The following MARCHF1 variants were observed in gnomAD, a reference collection of about 807,000 sequenced individuals.
MARCHF1 encodes the protein membrane associated ring-CH-type finger 1.
Under a neutral mutation model 54.2 loss-of-function variants are expected in MARCHF1, and 40 were observed. That is an observed-to-expected ratio of 0.74 (90% CI 0.57 to 0.96). The LOEUF is 0.96. MARCHF1 is among the 40% of genes least tolerant of loss of function. The pLI is 0.00. For missense variants in MARCHF1, 586 were observed against 656.5 expected, an observed-to-expected ratio of 0.89 and a Z score of 1.17; for synonymous variants, 236 against 236.3, an observed-to-expected ratio of 1.00 and a Z score of 0.01.
Position 163,612,524 on chromosome 4 carries a change from C to T in MARCHF1, c.757G>A (p.Glu253Lys). The stretch of plus-strand genomic sequence containing the variant: ...TGATTCCTTGAGGATCTCTTAATTT[C>T]AGAGGACCCTTGAGTCAGAGAAGGG... The part of the protein sequence containing the change: ...CNPSLTQGSS[E>K]IKRSSRNHEK... Residue 253 changes from glutamate to lysine, a missense_variant, in exon 7 of 10, where the codon GAA becomes AAA. Coordinates refer to ENST00000514618, the MANE Select transcript of MARCHF1 (RefSeq NM_001394959.1). 6.5e-7 allele frequency: 1 copy of T among 1,535,262 alleles called. No individual in the cohort carries two copies. The highest frequency in any genetic ancestry group is 1.4e-5 in the African/African-American group (1 of 73,046).
intron 5 of MARCHF1, among the ~76,000 whole-genome samples, chr4:163,625,987 T>G (rs1741857681): frequency 6.6e-6 from 1 of 152,174 alleles, no homozygotes; most frequent in Admixed American, 6.5e-5. Context: ...CATCCCTTTA[T>G]TAGGTGTAAG....
At chr4:163,737,226 T>TA (rs1477708903) in intron 4 of MARCHF1, among the ~76,000 whole-genome samples, 1 of 70,040 alleles carries the variant, frequency 1.4e-5, no homozygotes, top group Non-Finnish European at 4.9e-5. Flanking sequence ...TTTTTTTTTT[T>TA]TTATTATACT....
intron 2 of MARCHF1, among the ~76,000 whole-genome samples, chr4:163,991,870 C>T (rs1213558387): frequency 6.6e-6 from 1 of 151,980 alleles, no homozygotes; most frequent in Non-Finnish European, 1.5e-5. Context: ...TTCCTCATTC[C>T]CACCTCTGGC....
intron 1 of MARCHF1, among the ~76,000 whole-genome samples, chr4:164,132,950 A>G (rs1441250853): frequency 6.6e-6 from 1 of 152,162 alleles, no homozygotes; most frequent in East Asian, 1.9e-4. Flanking sequence ...CAGCAAGAAC[A>G]TCTTCAAGCT....
intron 8 of MARCHF1, among the ~76,000 whole-genome samples, chr4:163,572,147 A>G (rs1189765843): frequency 6.6e-6 from 1 of 152,022 alleles, no homozygotes; most frequent in African/African-American, 2.4e-5. Context: ...GGGTAATGAG[A>G]AAGATTCAGA....
chr4:163,600,128 G>A lies in MARCHF1; in HGVS notation c.1010+12143C>T, dbSNP rs1202110924. On this transcript the variant is annotated intron_variant, in intron 7 of 9. Coordinates refer to ENST00000514618, the MANE Select transcript of MARCHF1 (RefSeq NM_001394959.1). Reference sequence around the variant, plus strand: ...CTCCTGTTCCATATATATTTTTGCTGTATTTATACGCACACACATATATCT... The same window carrying A: ...CTCCTGTTCCATATATATTTTTGCTATATTTATACGCACACACATATATCT... Among the ~76,000 whole-genome samples, 3 of 151,878 alleles carry A rather than the reference G, an allele frequency of 2.0e-5. No individual in the cohort carries two copies. The South Asian group carries it at 6.2e-4, about 32-fold the overall frequency.
intron 3 of MARCHF1, among the ~76,000 whole-genome samples, chr4:163,867,365 G>C (rs78140122): frequency 0.01 from 1,559 of 151,968 alleles, 11 homozygotes; most frequent in Middle Eastern, 0.017. Context: ...TGGTGATAAT[G>C]ACAATAAATA....
chr4:163,879,621 A>T (rs1251758752), intron 3 of MARCHF1, among the ~76,000 whole-genome samples: 1 of 152,194 alleles, frequency 6.6e-6, no homozygotes, highest in Non-Finnish European at 1.5e-5. Context: ...CACTAATGCA[A>T]ATATCTGAAA....
chr4:163,817,417 A>G (rs559930663), intron 4 of MARCHF1, among the ~76,000 whole-genome samples: 4 of 150,324 alleles, frequency 2.7e-5, no homozygotes, highest in East Asian at 2.0e-4. Flanking sequence ...ATATATATGT[A>G]TATATAGACA....
intron 2 of MARCHF1, among the ~76,000 whole-genome samples, chr4:164,041,173 T>A (rs1030117328): frequency 3.3e-5 from 5 of 152,134 alleles, no homozygotes; most frequent in Non-Finnish European, 7.4e-5. Flanking sequence ...ATTTGTCACT[T>A]AAGCAGACCG....
chr4:164,194,458 G>A (rs951924521), intron 1 of MARCHF1, among the ~76,000 whole-genome samples: 3 of 152,048 alleles, frequency 2.0e-5, no homozygotes, highest in Non-Finnish European at 2.9e-5. Context: ...TCCTACCATC[G>A]TAATATAAAA....
chr4:163,554,176 A>C (rs1453565803), intron 8 of MARCHF1, among the ~76,000 whole-genome samples: 1 of 152,206 alleles, frequency 6.6e-6, no homozygotes, highest in Admixed American at 6.5e-5. Context: ...ATCATTTTTA[A>C]GGCTTTAGAA....
At chr4:163,603,455 C>T (rs533516016) in intron 7 of MARCHF1, among the ~76,000 whole-genome samples, 1 of 152,158 alleles carries the variant, frequency 6.6e-6, no homozygotes, top group South Asian at 2.1e-4. Flanking sequence ...AGTTACCAAC[C>T]TCGACAGGGC....
rs559415816 is a variant in MARCHF1, at chr4:163,863,200, C to T, written c.-38-9031G>A. ...AGTTCAGGGATCCCAGGATGGAAAG[C>T]AGGCTGTGAAAAATACAATCTACAT... On this transcript the variant is annotated intron_variant, in intron 3 of 9. Coordinates refer to ENST00000514618, the MANE Select transcript of MARCHF1 (RefSeq NM_001394959.1). Among the ~76,000 whole-genome samples, 81 of 152,096 alleles carry T rather than the reference C, an allele frequency of 5.3e-4. 1 individual carries two copies. Among genetic ancestry groups the T allele is most frequent in the African/African-American group, 2.0e-3 (81 of 41,522 alleles).
intron 1 of MARCHF1, among the ~76,000 whole-genome samples, chr4:164,370,213 T>G (rs770394473): frequency 6.6e-6 from 1 of 152,082 alleles, no homozygotes; most frequent in South Asian, 2.1e-4. Context: ...AAGAAAGATA[T>G]CACATCCAAA....
At chr4:163,894,710 G>GCA (rs1750750049) in intron 3 of MARCHF1, among the ~76,000 whole-genome samples, 2 of 30,524 alleles carry the variant, frequency 6.6e-5, no homozygotes, top group African/African-American at 2.5e-4. Flanking sequence ...TGCATGTGAT[G>GCA]CATATATATA....
intron 3 of MARCHF1, among the ~76,000 whole-genome samples, chr4:163,917,256 T>C (rs1751329770): frequency 6.6e-6 from 1 of 152,216 alleles, no homozygotes; most frequent in African/African-American, 2.4e-5. Flanking sequence ...CTTCAACTCC[T>C]GTGGGCAAGA....
At chr4:164,173,787 A>T (rs924531884) in intron 1 of MARCHF1, among the ~76,000 whole-genome samples, 1 of 152,148 alleles carries the variant, frequency 6.6e-6, no homozygotes, top group African/African-American at 2.4e-5. Context: ...TGCCAGAGCC[A>T]CACTTTCTGT....
intron 1 of MARCHF1, among the ~76,000 whole-genome samples, chr4:164,222,223 C>CT (rs770447528): frequency 2.2e-3 from 315 of 142,492 alleles, no homozygotes; most frequent in African/African-American, 3.9e-3. Flanking sequence ...CTGTCAACAC[C>CT]TTTTTTTTTT....
Sources: gnomAD v4.1 joint callset for allele counts (sites outside exome capture counted in the v4.1 genomes callset) on GRCh38, gnomAD v4.1.1 for gene constraint, MANE v1.5 for transcripts, NCBI Gene and HGNC (gene_info 2026-07-23, HGNC 2026-07-21) for gene names.